Variants in HPSE2 observed in about 807,000 individuals in gnomAD.
HPSE2 encodes the protein heparanase 2 (inactive).
A neutral mutation model predicts 60.5 loss-of-function variants in HPSE2; 38 were observed. That is an observed-to-expected ratio of 0.63 (90% CI 0.48 to 0.82). The LOEUF (loss-of-function observed/expected upper bound fraction) is 0.82, where lower values mean the gene tolerates loss of function less well. Among genes scored for constraint, HPSE2 ranks in the 40% least tolerant of loss-of-function variants. The probability of loss-of-function intolerance (pLI) is 0.00; values close to 1 mark genes in which losing one functional copy is unlikely to be tolerated. For synonymous variants in HPSE2, 295 were observed against 293.2 expected (o/e 1.01, Z -0.06); for missense variants, 713 against 740.4 (o/e 0.96, Z 0.43).
intron 8 of HPSE2, among the ~76,000 whole-genome samples, chr10:98,619,281 A>G (rs552553986): frequency 6.6e-6 from 1 of 152,302 alleles, no homozygotes; most frequent in Admixed American, 6.5e-5. Context: ...AGCAGGAACA[A>G]GTCATTTACT....
intron 3 of HPSE2, among the ~76,000 whole-genome samples, chr10:99,078,069 T>A (rs540232364): frequency 1.3e-5 from 2 of 152,178 alleles, no homozygotes; most frequent in Admixed American, 1.3e-4. Context: ...CCCTATCACC[T>A]TCCACCATGA....
intron 3 of HPSE2, among the ~76,000 whole-genome samples, chr10:98,947,917 A>G (rs914487749): frequency 2.0e-5 from 3 of 152,120 alleles, no homozygotes; most frequent in Admixed American, 2.0e-4. Flanking sequence ...TTGATATTAA[A>G]CAACGTTCCT....
intron 5 of HPSE2, among the ~76,000 whole-genome samples, chr10:98,702,529 C>G (rs938601840): frequency 6.6e-6 from 1 of 152,092 alleles, no homozygotes; most frequent in Non-Finnish European, 1.5e-5. Context: ...ATCAACCACA[C>G]AATTGGAAGT....
chr10:99,011,310 A>C (rs904678442), intron 3 of HPSE2, among the ~76,000 whole-genome samples: 1 of 152,204 alleles, frequency 6.6e-6, no homozygotes, highest in Admixed American at 6.5e-5. Context: ...TTCACATTTT[A>C]CAGAAAGGAA....
chr10:98,682,088 G>A (rs1253158553), intron 6 of HPSE2, among the ~76,000 whole-genome samples: 1 of 152,116 alleles, frequency 6.6e-6, no homozygotes, highest in East Asian at 1.9e-4. Flanking sequence ...CCTGGTGGGA[G>A]GTGACTGGAT....
intron 9 of HPSE2, among the ~76,000 whole-genome samples, chr10:98,571,592 A>G (rs962808272): frequency 4.0e-5 from 6 of 151,688 alleles, no homozygotes; most frequent in Admixed American, 2.6e-4. Flanking sequence ...GTCTCCTAAC[A>G]TATCCATAGT....
intron 3 of HPSE2, among the ~76,000 whole-genome samples, chr10:99,110,780 C>A (rs1186512172): frequency 1.3e-5 from 2 of 152,026 alleles, no homozygotes; most frequent in Non-Finnish European, 2.9e-5. Context: ...TATTCTCCTG[C>A]CTTTGTTGTT....
chr10:98,514,137 G>A (rs1187056178), intron 9 of HPSE2, among the ~76,000 whole-genome samples: 1 of 152,058 alleles, frequency 6.6e-6, no homozygotes, highest in Non-Finnish European at 1.5e-5. Context: ...TAAAATAGAT[G>A]AACCTCGAAA....
chr10:99,236,603 C>T (rs144352082), upstream of HPSE2, among the ~76,000 whole-genome samples: 889 of 152,278 alleles, frequency 5.8e-3, 4 homozygotes, highest in African/African-American at 0.02. Flanking sequence ...TGGATAGCCA[C>T]ACCGAAGCAT....
chr10:99,121,916 T>C (rs1844968376), intron 3 of HPSE2, among the ~76,000 whole-genome samples: 1 of 152,090 alleles, frequency 6.6e-6, no homozygotes, highest in African/African-American at 2.4e-5. Context: ...TTATGATACA[T>C]CCATACAATG....
chr10:99,208,794 T>G (rs1471552448), intron 2 of HPSE2, among the ~76,000 whole-genome samples: 1 of 151,752 alleles, frequency 6.6e-6, no homozygotes, highest in Non-Finnish European at 1.5e-5. Flanking sequence ...GGACACAGGC[T>G]GAAAATGAGG....
At chr10:99,057,507 G>A (rs965838799) in intron 3 of HPSE2, among the ~76,000 whole-genome samples, 10 of 152,162 alleles carry the variant, frequency 6.6e-5, no homozygotes, top group Admixed American at 2.6e-4. Context: ...CTTAACCACC[G>A]CCCAACAATG....
intron 2 of HPSE2, among the ~76,000 whole-genome samples, chr10:99,197,063 C>A (rs2805374): frequency 2.0e-5 from 3 of 152,120 alleles, no homozygotes; most frequent in Non-Finnish European, 4.4e-5. Flanking sequence ...AGATTCAGTC[C>A]TTTGCAACAC....
chr10:99,060,878 C>T (rs769711059), intron 3 of HPSE2, among the ~76,000 whole-genome samples: 14 of 151,602 alleles, frequency 9.2e-5, no homozygotes, highest in Non-Finnish European at 1.8e-4. Flanking sequence ...CTTACTTGTG[C>T]GAACTAAAAA....
At chr10:98,573,615 A>G (rs1464816475) in intron 9 of HPSE2, among the ~76,000 whole-genome samples, 1 of 152,210 alleles carries the variant, frequency 6.6e-6, no homozygotes, top group East Asian at 1.9e-4. Context: ...AACCAGCAGG[A>G]ACTCAGCACT....
intron 3 of HPSE2, among the ~76,000 whole-genome samples, chr10:99,062,517 G>A (rs1298091596): frequency 2.0e-5 from 3 of 150,976 alleles, no homozygotes; most frequent in East Asian, 3.9e-4. Flanking sequence ...TTTTTTTTCT[G>A]TTGCATTTTT....
intron 2 of HPSE2, among the ~76,000 whole-genome samples, chr10:99,176,369 C>T (rs1223303770): frequency 2.0e-5 from 3 of 151,930 alleles, no homozygotes; most frequent in Non-Finnish European, 4.4e-5. Context: ...AAGCTAGGAA[C>T]CTTGAAAAAA....
At chr10:99,210,423 G>A (rs1486495320) in intron 2 of HPSE2, among the ~76,000 whole-genome samples, 1 of 152,120 alleles carries the variant, frequency 6.6e-6, no homozygotes, top group African/African-American at 2.4e-5. Flanking sequence ...CATTTTATGA[G>A]ACCAGAATTA....
At chr10:98,571,878 T>C (rs1214972134) in intron 9 of HPSE2, among the ~76,000 whole-genome samples, 1 of 152,198 alleles carries the variant, frequency 6.6e-6, no homozygotes, top group African/African-American at 2.4e-5. Flanking sequence ...CTCAGATTTC[T>C]ATCTATCTAT....
Sources: allele counts gnomAD v4.1 joint callset (sites outside exome capture counted in the v4.1 genomes callset), GRCh38; gene constraint gnomAD v4.1.1; transcripts MANE v1.5; gene names NCBI Gene and HGNC (gene_info 2026-07-23, HGNC 2026-07-21).